AUTS2: variants seen among roughly 807,000 people sequenced by gnomAD.
The protein encoded by AUTS2 is activator of transcription and developmental regulator AUTS2.
A neutral mutation model predicts 112.4 loss-of-function variants in AUTS2; 17 were observed. The ratio of observed to expected loss-of-function variants is 0.15; its 90% CI spans 0.10 to 0.23. The LOEUF (loss-of-function observed/expected upper bound fraction) is 0.23, where lower values mean the gene tolerates loss of function less well. Among genes scored for constraint, AUTS2 ranks in the 10% least tolerant of loss-of-function variants. The probability of loss-of-function intolerance (pLI) is 1.00; values close to 1 mark genes in which losing one functional copy is unlikely to be tolerated. For missense variants in AUTS2, 1,510 were observed against 1,701.6 expected (o/e 0.89, Z 1.98); for synonymous variants, 751 against 702.7 (o/e 1.07, Z -1.09).
intron 1 of AUTS2, among the ~76,000 whole-genome samples, chr7:69,872,148 C>G (rs190387610): frequency 6.6e-6 from 1 of 152,158 alleles, no homozygotes; most frequent in Non-Finnish European, 1.5e-5. Flanking sequence ...GGGCCCTGAG[C>G]GATTGCACAG....
intron 1 of AUTS2, among the ~76,000 whole-genome samples, chr7:69,649,100 G>C (rs563685066): frequency 6.6e-6 from 1 of 152,238 alleles, no homozygotes; most frequent in Admixed American, 6.5e-5. Context: ...CGGAGCTGTG[G>C]ATTAATGTCT....
intron 4 of AUTS2, among the ~76,000 whole-genome samples, chr7:70,336,085 C>A (rs1790977109): frequency 6.6e-6 from 1 of 152,138 alleles, no homozygotes; most frequent in Admixed American, 6.5e-5. Context: ...ATCTTTCTTT[C>A]TAAAAAGATG....
chr7:70,475,716 G>GT (rs766040009), intron 5 of AUTS2, among the ~76,000 whole-genome samples: 4 of 152,314 alleles, frequency 2.6e-5, no homozygotes, highest in Non-Finnish European at 4.4e-5. Context: ...TATAGTCTGA[G>GT]TGGGGATAAG....
At chr7:69,730,632 A>G (rs1054129796) in intron 1 of AUTS2, among the ~76,000 whole-genome samples, 3 of 152,224 alleles carry the variant, frequency 2.0e-5, no homozygotes, top group African/African-American at 7.2e-5. Flanking sequence ...AGAATAACAA[A>G]TGTACAGAGA....
chr7:70,447,554 C>A (rs1306730957), intron 5 of AUTS2, among the ~76,000 whole-genome samples: 1 of 152,180 alleles, frequency 6.6e-6, no homozygotes, highest in African/African-American at 2.4e-5. Flanking sequence ...AGAGGTATTA[C>A]CGAACATGCC....
intron 1 of AUTS2, among the ~76,000 whole-genome samples, chr7:69,640,682 C>T (rs1794762527): frequency 6.6e-6 from 1 of 152,142 alleles, no homozygotes; most frequent in Non-Finnish European, 1.5e-5. Flanking sequence ...TTGGTTTAAC[C>T]CAGCATTTTT....
intron 1 of AUTS2, among the ~76,000 whole-genome samples, chr7:69,693,888 C>T (rs1229553644): frequency 4.6e-5 from 7 of 152,198 alleles, no homozygotes; most frequent in Admixed American, 4.6e-4. Flanking sequence ...ATGAGATCCC[C>T]ATTCCCTTAT....
At chr7:70,576,667 A>G (rs1802182422) in intron 5 of AUTS2, among the ~76,000 whole-genome samples, 1 of 152,216 alleles carries the variant, frequency 6.6e-6, no homozygotes. Flanking sequence ...CACTTAGAGG[A>G]ACAATGTTTT....
chr7:69,857,563 T>G (rs1792786714), intron 1 of AUTS2, among the ~76,000 whole-genome samples: 1 of 152,180 alleles, frequency 6.6e-6, no homozygotes, highest in Admixed American at 6.6e-5. Context: ...ATGGAATGAG[T>G]GCTTAAAATT....
intron 1 of AUTS2, among the ~76,000 whole-genome samples, chr7:69,690,915 A>C (rs1414196613): frequency 6.6e-6 from 1 of 152,088 alleles, no homozygotes; most frequent in African/African-American, 2.4e-5. Context: ...TAAGTGACAG[A>C]AGAGCTCTTA....
At chr7:70,700,342 T>C (rs1369103476) in intron 6 of AUTS2, among the ~76,000 whole-genome samples, 1 of 152,234 alleles carries the variant, frequency 6.6e-6, no homozygotes, top group East Asian at 1.9e-4. Context: ...TACACTAAAA[T>C]CAACATAGGC....
chr7:70,235,034 T>A (rs879610326), intron 4 of AUTS2, among the ~76,000 whole-genome samples: 2 of 152,206 alleles, frequency 1.3e-5, no homozygotes, highest in Non-Finnish European at 2.9e-5. Context: ...TGAAGGACTT[T>A]CCTCAAAATC....
intron 4 of AUTS2, among the ~76,000 whole-genome samples, chr7:70,209,994 GA>G: frequency 6.6e-6 from 1 of 152,056 alleles, no homozygotes; most frequent in South Asian, 2.1e-4. Context: ...GAAAATACAA[GA>G]AAATAAGGGA....
intron 5 of AUTS2, among the ~76,000 whole-genome samples, chr7:70,465,013 C>T (rs1423905996): frequency 6.6e-6 from 1 of 152,238 alleles, no homozygotes; most frequent in Admixed American, 6.5e-5. Context: ...CCTCCTGCTT[C>T]CCATTTTTAG....
At chr7:70,152,899 T>A (rs1807522496) in intron 4 of AUTS2, among the ~76,000 whole-genome samples, 1 of 152,184 alleles carries the variant, frequency 6.6e-6, no homozygotes, top group Non-Finnish European at 1.5e-5. Context: ...ATTGCAACTC[T>A]TTTACACACT....
At chr7:70,433,287 G>T (rs1376595092) in intron 4 of AUTS2, among the ~76,000 whole-genome samples, 2 of 152,208 alleles carry the variant, frequency 1.3e-5, no homozygotes, top group Non-Finnish European at 2.9e-5. Context: ...TCCTTGGGGA[G>T]GTGGGCAAAT....
chr7:69,897,698 A>T (rs1441200481), intron 1 of AUTS2, among the ~76,000 whole-genome samples: 2 of 152,288 alleles, frequency 1.3e-5, no homozygotes, highest in East Asian at 3.9e-4. Context: ...CGGAGGTTAC[A>T]GTGAGCCAAG....
chr7:69,637,500 T>C (rs1306178608), intron 1 of AUTS2, among the ~76,000 whole-genome samples: 1 of 152,238 alleles, frequency 6.6e-6, no homozygotes, highest in African/African-American at 2.4e-5. Flanking sequence ...GAGGCCAGTT[T>C]ATATCATATA....
intron 1 of AUTS2, among the ~76,000 whole-genome samples, chr7:69,863,317 A>G (rs1793075732): frequency 6.6e-6 from 1 of 152,336 alleles, no homozygotes; most frequent in South Asian, 2.1e-4. Flanking sequence ...GGTATTATGT[A>G]AGTAATGTAC....
Sources: allele counts gnomAD v4.1 joint callset (sites outside exome capture counted in the v4.1 genomes callset), GRCh38; gene constraint gnomAD v4.1.1; transcripts MANE v1.5; gene names NCBI Gene and HGNC (gene_info 2026-07-23, HGNC 2026-07-21).